Variants in CFAP46 observed in about 807,000 individuals in gnomAD.
CFAP46 encodes cilia and flagella associated protein 46.
CFAP46 carries 245 observed loss-of-function variants against 325.7 expected under a neutral mutation model. The observed-to-expected ratio is 0.75, with a 90% CI of 0.68 to 0.84. CFAP46 has a LOEUF of 0.84. Among genes scored for constraint, CFAP46 ranks in the 40% least tolerant of loss-of-function variants. CFAP46 has a pLI of 0.00. For synonymous variants in CFAP46, 1,523 were observed against 1,495.9 expected (o/e 1.02, Z -0.42); for missense variants, 3,346 against 3,543.0 (o/e 0.94, Z 1.41).
At chr10:132,835,148 T>A (rs1240801775) in intron 47 of CFAP46, among the ~76,000 whole-genome samples, 156 bp downstream of exon 47, 1 of 152,222 alleles carries the variant, frequency 6.6e-6, no homozygotes, top group Non-Finnish European at 1.5e-5. Context: ...GAGCTTGGCC[T>A]GGGAGTTGGG....
chr10:132,847,321 C>T lies in CFAP46; in HGVS notation c.5953G>A (p.Val1985Met). ...TTGAGGCCGCTCAGCTTGGCGCCCA[C>T]CTGTGACACACATTGCAGGTTGGCA... is the stretch of plus-strand genomic sequence containing the variant. ...PTCYWEAGPSVGAKLSGLKSL... is the reference protein window; with the variant it reads ...PTCYWEAGPSMGAKLSGLKSL... Residue 1985 changes from valine to methionine, a missense_variant and splice_region_variant, in exon 42 of 58, where the codon GTG (valine) becomes ATG (methionine). By Grantham distance (21) the Val-to-Met change is conservative. Coordinates refer to ENST00000368586, the MANE Select transcript of CFAP46 (RefSeq NM_001200049.3). The surrounding 1 kb of genome is among the most constrained non-coding windows in gnomAD (Gnocchi z 5.2). 6.2e-7 allele frequency: 1 copy of T among 1,613,430 alleles called. No individual in the cohort carries two copies. The highest frequency in any genetic ancestry group is 8.5e-7 in the Non-Finnish European group (1 of 1,179,858).
At chr10:132,819,444 T>C (rs1354600911) in intron 50 of CFAP46, among the ~76,000 whole-genome samples, 1 of 152,208 alleles carries the variant, frequency 6.6e-6, no homozygotes, top group Non-Finnish European at 1.5e-5. Flanking sequence ...AAAGCAATCC[T>C]GAGCAAGAAC....
chr10:132,870,442 C>T (rs1041598322), intron 32 of CFAP46, among the ~76,000 whole-genome samples: 6 of 152,186 alleles, frequency 3.9e-5, no homozygotes, highest in African/African-American at 1.2e-4. Flanking sequence ...ACTGCAAGCT[C>T]GGCCCCTGCA....
In CFAP46 at chr10:132,834,682, A is replaced by G. The variant is rs769655903; in HGVS notation, c.6838T>C (p.Phe2280Leu). 3 of 1,613,084 alleles carry G rather than the reference A, an allele frequency of 1.9e-6. No homozygotes were observed. The highest frequency in any genetic ancestry group is 2.2e-5 in the East Asian group (1 of 44,878). ...GPLEELLQPL[F>L]PLLSLSKARV... ...GCCTTGGAGAGGCTGAGCAGGGGGA[A>G]TAGCGGCTGCAGAAGCTCCTCCAGG... Residue 2280 changes from phenylalanine to leucine, a missense_variant, in exon 48 of 58, where the codon TTC (phenylalanine) becomes CTC (leucine). Transcript: ENST00000368586.
At chr10:132,901,049 T>C (rs1357731110) in intron 22 of CFAP46, among the ~76,000 whole-genome samples, 1 of 152,244 alleles carries the variant, frequency 6.6e-6, no homozygotes. Context: ...TTTCTTGTGG[T>C]TGGCACTTGC....
intron 17 of CFAP46, among the ~76,000 whole-genome samples, chr10:132,916,150 TC>T (rs1254636366): frequency 6.6e-6 from 1 of 152,164 alleles, no homozygotes; most frequent in Non-Finnish European, 1.5e-5. Flanking sequence ...GCACAGCTTT[TC>T]CTCTGAGCAA....
At chr10:132,883,924 G>A (rs1202233432) in intron 27 of CFAP46, among the ~76,000 whole-genome samples, 2 of 152,174 alleles carry the variant, frequency 1.3e-5, no homozygotes, top group African/African-American at 2.4e-5. Flanking sequence ...CAGGATTGCT[G>A]GGGGGTGATG....
At chr10:132,838,015 CAG>C (rs1848294874) in intron 44 of CFAP46, among the ~76,000 whole-genome samples, 4 of 152,028 alleles carry the variant, frequency 2.6e-5, no homozygotes, top group Admixed American at 2.0e-4. Flanking sequence ...AGTGCAGACT[CAG>C]AGCCGTGCCC....
intron 5 of CFAP46, among the ~76,000 whole-genome samples, chr10:132,937,939 T>A (rs541621164): frequency 6.6e-6 from 1 of 152,202 alleles, no homozygotes; most frequent in Non-Finnish European, 1.5e-5. Context: ...AACGGCCATA[T>A]GGCAAGTAAC....
At position 132,916,654 on chromosome 10, in the gene CFAP46, C is replaced by A; in HGVS notation, c.2015G>T (p.Gly672Val). Residue 672 changes from glycine to valine, a missense_variant, in exon 17 of 58, where the codon GGT (glycine) becomes GTT (valine). Gly to Val is a moderately radical substitution (Grantham distance 109, BLOSUM62 -3). Coordinates refer to ENST00000368586, the MANE Select transcript of CFAP46 (RefSeq NM_001200049.3). ...EATVHLLRSE[G>V]VELNDRAIPP... ...GATGGCCCGGTCATTCAGCTCTACACCTTCTGACCGCAGCAAATGAACCGT... is the reference window on the plus strand; with the variant it reads ...GATGGCCCGGTCATTCAGCTCTACAACTTCTGACCGCAGCAAATGAACCGT... 6.0e-6 allele frequency: 9 copies of A among 1,502,496 alleles called. No individual in the cohort carries two copies. The highest frequency in any genetic ancestry group is 8.0e-6 in the Non-Finnish European group (9 of 1,121,654). The allele number at this position is 1,502,496 out of a possible 1,614,324, so 93.1% of individuals were successfully genotyped here.
In CFAP46 at chr10:132,889,923, G is replaced by A. The variant is rs1014648686; in HGVS notation, c.3304+2410C>T. On this transcript the variant is annotated intron_variant, in intron 25 of 57. Transcript: ENST00000368586. This position sits in a 1 kb window ranked among gnomAD's most constrained non-coding sequence, Gnocchi z 6.0. Reference sequence around the variant, plus strand: ...CCAGACGTGGTGTGAGTATCTTCCCGTCTGTTCACTTCTTACTGTTCTGCA... The same window carrying A: ...CCAGACGTGGTGTGAGTATCTTCCCATCTGTTCACTTCTTACTGTTCTGCA... Among the ~76,000 whole-genome samples the A allele has an allele frequency of 1.4e-4, 22 of 152,328 alleles. No homozygotes were observed. The highest frequency in any genetic ancestry group is 4.1e-4 in the African/African-American group (17 of 41,570).
chr10:132,822,784 G>GTGTGTGCTGTGTGCAGTGA (rs1847900514), intron 50 of CFAP46, among the ~76,000 whole-genome samples: 1 of 99,766 alleles, frequency 1.0e-5, no homozygotes, highest in African/African-American at 3.7e-5. Flanking sequence ...GTGTGCACTT[G>GTGTGTGCTGTGTGCAGTGA]TGTGTGCTGT....
At chr10:132,894,141 G>C (rs1160858934) in intron 24 of CFAP46, among the ~76,000 whole-genome samples, 1 of 152,262 alleles carries the variant, frequency 6.6e-6, no homozygotes, top group Non-Finnish European at 1.5e-5. Flanking sequence ...TTGGTGGTGT[G>C]TGACTCAAAT....
chr10:132,908,599 G>T lies in CFAP46; in HGVS notation c.2793C>A (p.Asp931Glu). 2.6e-6 allele frequency: 4 copies of T among 1,547,724 alleles called. No individual in the cohort carries two copies. The highest frequency in any genetic ancestry group is 3.5e-6 in the Non-Finnish European group (4 of 1,145,264). The part of the protein sequence containing the change: ...VKMASECNWS[D>E]PLVELQTLTR... ...TCAGGGTCTGCAGCTCCACCAGGGG[G>T]TCCGACCAGTTGCACTCGGAAGCCA... Residue 931 changes from aspartate (D) to glutamate (E), a missense_variant, in exon 22 of 58, where the codon GAC (aspartate) becomes GAA (glutamate). Physicochemically the swap from Asp to Glu is conservative, Grantham distance 45. Transcript: ENST00000368586.
In CFAP46 at chr10:132,814,928, G is replaced by A; in HGVS notation, c.7118-14C>T. ...TCACGCCACCTTCTGTTGAAGACAA[G>A]AAAGAGGCAGGGATGTTTGGCAGCA... On this transcript the variant is annotated splice_polypyrimidine_tract_variant and intron_variant, in intron 50 of 57. Transcript: ENST00000368586. The A allele has an allele frequency of 1.2e-6, 2 of 1,613,902 alleles. No individual in the cohort carries two copies. The highest frequency in any genetic ancestry group is 1.7e-6 in the Non-Finnish European group (2 of 1,179,806).
At chr10:132,833,941 G>T in intron 49 of CFAP46, 100 bp downstream of exon 49, 2 of 1,087,528 alleles carry the variant, frequency 1.8e-6, no homozygotes, top group Non-Finnish European at 2.8e-6. Flanking sequence ...CTGGGTTCCT[G>T]ACCCCCCCTG....
At chr10:132,896,827 C>A (rs200192657) in intron 24 of CFAP46, among the ~76,000 whole-genome samples, 1 of 152,148 alleles carries the variant, frequency 6.6e-6, no homozygotes, top group East Asian at 1.9e-4. Flanking sequence ...TGAAAAAGAA[C>A]AAAGTTGGAG....
chr10:132,887,896 CT>C, intron 25 of CFAP46, among the ~76,000 whole-genome samples: 1 of 86,518 alleles, frequency 1.2e-5, no homozygotes. Context: ...CCTCTCTCCT[CT>C]TCTCTCCTCT....
chr10:132,847,834 C>A lies in CFAP46; in HGVS notation c.5953-513G>T, dbSNP rs191865507. Among the ~76,000 whole-genome samples the A allele has an allele frequency of 6.6e-6, 1 of 152,150 alleles. No homozygotes were observed. Among genetic ancestry groups the A allele is most frequent in the Non-Finnish European group, 1.5e-5 (1 of 68,034 alleles). ...GTTTTCGGGACACAAGGTATCGCAG[C>A]ACCAAATCTATATATGCACCCAATG... On this transcript the variant is annotated intron_variant, in intron 41 of 57. Transcript: ENST00000368586. The surrounding 1 kb of genome is among the most constrained non-coding windows in gnomAD (Gnocchi z 5.2).
Sources: allele counts gnomAD v4.1 joint callset (sites outside exome capture counted in the v4.1 genomes callset), GRCh38; gene constraint gnomAD v4.1.1; non-coding constraint Gnocchi (gnomAD v3.1); transcripts MANE v1.5; gene names NCBI Gene and HGNC (gene_info 2026-07-23, HGNC 2026-07-21).